The following FNIP1 variants were observed in gnomAD, a reference collection of about 807,000 sequenced individuals.
FNIP1 encodes the protein folliculin-interacting protein 1.
In FNIP1, 40 loss-of-function variants were observed where a neutral mutation model predicts 124.5. That is an observed-to-expected ratio of 0.32 (90% confidence interval 0.25 to 0.42). The LOEUF (loss-of-function observed/expected upper bound fraction) is 0.42, where lower values mean the gene tolerates loss of function less well. Ranked by LOEUF, FNIP1 falls within the 10% of genes least tolerant of loss-of-function variation. The pLI, the probability that FNIP1 is intolerant of heterozygous loss-of-function variation, is 1.00. For synonymous variants in FNIP1, 472 were observed against 470.6 expected (o/e 1.00, Z -0.04); for missense variants, 1,176 against 1,403.7 (o/e 0.84, Z 2.59).
rs958954249 is a variant in FNIP1 at position 131,647,631 on chromosome 5, C to A, written c.3307-426G>T. ...TGGGACTACAGCCATGCGCACCACA[C>A]CCGGCTAATTTCTTTTCTATTTTTA... On this transcript the variant is annotated intron_variant, in intron 16 of 17. Transcript: ENST00000510461. Among the ~76,000 whole-genome samples the A allele has an allele frequency of 3.3e-5, 5 of 152,006 alleles. No homozygotes were observed. In the East Asian group the frequency reaches 9.7e-4, roughly 29 times the overall value.
At chr5:131,764,121 G>A (rs1771339760) in intron 1 of FNIP1, among the ~76,000 whole-genome samples, 1 of 151,874 alleles carries the variant, frequency 6.6e-6, no homozygotes, top group African/African-American at 2.4e-5. Context: ...CATGTGAAGT[G>A]CCTGCTCCTC....
chr5:131,745,218 G>A (rs1174295841), intron 1 of FNIP1, among the ~76,000 whole-genome samples: 1 of 151,946 alleles, frequency 6.6e-6, no homozygotes, highest in South Asian at 2.1e-4. Context: ...CTGCTGGTAT[G>A]AATACAAACT....
chr5:131,684,546 A>T (rs1401479160), intron 11 of FNIP1, among the ~76,000 whole-genome samples: 1 of 152,242 alleles, frequency 6.6e-6, no homozygotes, highest in Admixed American at 6.5e-5. Context: ...ATAGTGACAT[A>T]TACTTTTACA....
At chr5:131,751,637 G>A (rs1329197370) in intron 1 of FNIP1, among the ~76,000 whole-genome samples, 1 of 151,508 alleles carries the variant, frequency 6.6e-6, no homozygotes, top group Non-Finnish European at 1.5e-5. Flanking sequence ...GCATGTCCAT[G>A]AACTCATGAA....
rs138150361 is a variant in FNIP1 at position 131,777,749 on chromosome 5, G to A, written c.92+19081C>T. 2.0e-5 allele frequency among the ~76,000 whole-genome samples: 3 copies of A among 152,066 alleles called. No individual in the cohort carries two copies. In the East Asian group the frequency reaches 5.8e-4, roughly 29 times the overall value. ...AAATCATTATTTTGCAACCACTAATGATATCATATTGTGGTTCTCAAAGTG... is the reference window on the plus strand; with the variant it reads ...AAATCATTATTTTGCAACCACTAATAATATCATATTGTGGTTCTCAAAGTG... On this transcript the variant is annotated intron_variant, in intron 1 of 17. Transcript: ENST00000510461.
intron 2 of FNIP1, among the ~76,000 whole-genome samples, chr5:131,736,695 A>C (rs1355637088): frequency 6.6e-6 from 1 of 152,232 alleles, no homozygotes; most frequent in Non-Finnish European, 1.5e-5. Context: ...AAATAAATGC[A>C]ATGCAAGATT....
intron 15 of FNIP1, among the ~76,000 whole-genome samples, chr5:131,657,828 C>T (rs1767253199): frequency 6.8e-6 from 1 of 146,558 alleles, no homozygotes; most frequent in Admixed American, 6.9e-5. Context: ...ATCACAAGGT[C>T]AGGAGATTGA....
chr5:131,663,240 G>A lies in FNIP1; in HGVS notation c.3108+7223C>T, dbSNP rs1008052453. Among the ~76,000 whole-genome samples the A allele has an allele frequency of 2.0e-5, 3 of 152,194 alleles. No individual in the cohort carries two copies. In the East Asian group the frequency reaches 5.8e-4, roughly 29 times the overall value. ...TTTTAAAAGAATTTTTCTCTTGAGA[G>A]CTCCACAGTTAGAAATCGACTTAAT... On this transcript the variant is annotated intron_variant, in intron 15 of 17. Coordinates refer to ENST00000510461, the MANE Select transcript of FNIP1 (RefSeq NM_133372.3).
At chr5:131,732,809 T>C (rs930534704) in intron 2 of FNIP1, among the ~76,000 whole-genome samples, 10 of 152,288 alleles carry the variant, frequency 6.6e-5, no homozygotes, top group Non-Finnish European at 8.8e-5. Flanking sequence ...CTTGGCAATG[T>C]GGGCTCTTTT....
chr5:131,712,167 T>C (rs1165632565), intron 6 of FNIP1, among the ~76,000 whole-genome samples: 5 of 151,898 alleles, frequency 3.3e-5, no homozygotes, highest in Non-Finnish European at 7.4e-5. Flanking sequence ...TAGTGACTTA[T>C]TAAAAAATCC....
chr5:131,693,333 C>CATATATATATATATATACATAT (rs1768564534), intron 11 of FNIP1, among the ~76,000 whole-genome samples: 1 of 50,154 alleles, frequency 2.0e-5, no homozygotes, highest in African/African-American at 6.8e-5. Flanking sequence ...TATATATATA[C>CATATATATATATATATACATAT]ATATATATAT....
chr5:131,795,024 A>T (rs544359208), intron 1 of FNIP1, among the ~76,000 whole-genome samples: 35 of 152,348 alleles, frequency 2.3e-4, no homozygotes, highest in Admixed American at 9.1e-4. Context: ...AATAGTTTTT[A>T]AAAAACCCTG....
chr5:131,744,605 C>A lies in FNIP1; in HGVS notation c.178G>T (p.Asp60Tyr). The change falls in exon 2 of 18, where the codon GAC (aspartate) becomes TAC (tyrosine). Residue 60 changes from aspartate (D) to tyrosine (Y), a missense_variant. Asp to Tyr is a radical substitution (Grantham distance 160). Coordinates refer to ENST00000510461, the MANE Select transcript of FNIP1 (RefSeq NM_133372.3). ...CERRGRNVLFDSSVKRRNEDI... is the reference protein window; with the variant it reads ...CERRGRNVLFYSSVKRRNEDI... ...TCATTTCTTCTCTTAACACTGGAGT[C>A]AAACAAAACATTTCTCCCTCGTCTT... 6.2e-7 allele frequency: 1 copy of A among 1,611,100 alleles called. No homozygotes were observed. The highest frequency in any genetic ancestry group is 1.1e-5 in the South Asian group (1 of 90,576).
intron 1 of FNIP1, among the ~76,000 whole-genome samples, chr5:131,765,770 T>C (rs1037405087): frequency 3.3e-5 from 5 of 152,180 alleles, no homozygotes; most frequent in African/African-American, 1.2e-4. Context: ...CAGAATTTCA[T>C]CCTTGACCTT....
At chr5:131,750,444 C>A (rs1460748470) in intron 1 of FNIP1, among the ~76,000 whole-genome samples, 1 of 151,892 alleles carries the variant, frequency 6.6e-6, no homozygotes, top group African/African-American at 2.4e-5. Context: ...TACTATGTGC[C>A]AAGCAGTGGT....
At chr5:131,661,220 T>TGTGTGTGTGTGTG (rs1554092139) in intron 15 of FNIP1, among the ~76,000 whole-genome samples, 1,603 of 147,712 alleles carry the variant, frequency 0.011, 25 homozygotes, top group Middle Eastern at 0.042. Flanking sequence ...TGTCTTTGTT[T>TGTGTGTGTGTGTG]TGTGTGTGTG....
At position 131,749,914 on chromosome 5, in the gene FNIP1, A is replaced by G. The variant is rs550228883; in HGVS notation, c.93-5224T>C. Reference sequence around the variant, plus strand: ...TGTAAGTACACTGTGTGATGTTTGCATAACAACAAAATTGCCTAACAATGC... The same window carrying G: ...TGTAAGTACACTGTGTGATGTTTGCGTAACAACAAAATTGCCTAACAATGC... On this transcript the variant is annotated intron_variant, in intron 1 of 17. Transcript: ENST00000510461. Among the ~76,000 whole-genome samples the G allele has an allele frequency of 7.9e-5, 12 of 152,248 alleles. No individual in the cohort carries two copies. The South Asian group carries it at 2.5e-3, about 32-fold the overall frequency.
At position 131,644,113 on chromosome 5, in the gene FNIP1, C is replaced by A. The variant is rs1414370241; in HGVS notation, c.*572G>T. ...TCTGCTTTTTAAAAAAAAATAGGTACATATGTACACTTGGGTGGATAACAT... is the reference window on the plus strand; with the variant it reads ...TCTGCTTTTTAAAAAAAAATAGGTAAATATGTACACTTGGGTGGATAACAT... On this transcript the variant is annotated 3_prime_UTR_variant, in exon 18 of 18. Coordinates refer to ENST00000510461, the MANE Select transcript of FNIP1 (RefSeq NM_133372.3). 2 of 152,186 alleles carry A rather than the reference C, an allele frequency of 1.3e-5. No individual in the cohort carries two copies. The highest frequency in any genetic ancestry group is 3.7e-4 in the East Asian group (2 of 5,340). 9.4% of individuals were successfully genotyped at this position (152,186 alleles called of 1,614,324 possible). A position where few individuals can be genotyped will look rare whatever the true frequency, so the allele number is the denominator to read the frequency against.
intron 2 of FNIP1, among the ~76,000 whole-genome samples, chr5:131,735,308 G>T (rs2149553613): frequency 6.6e-6 from 1 of 152,186 alleles, no homozygotes; most frequent in African/African-American, 2.4e-5. Flanking sequence ...AGGGCCTGCT[G>T]TGGGGTCGGG....
Sources: gnomAD v4.1 joint callset for allele counts (sites outside exome capture counted in the v4.1 genomes callset) on GRCh38, gnomAD v4.1.1 for gene constraint, MANE v1.5 for transcripts, NCBI Gene and HGNC (gene_info 2026-07-23, HGNC 2026-07-21) for gene names.